The following FMN2 variants were observed in gnomAD, a reference collection of about 807,000 sequenced individuals.
FMN2 encodes the protein formin 2, also known as formin-2.
A neutral mutation model predicts 142.3 loss-of-function variants in FMN2; 51 were observed. The ratio of observed to expected loss-of-function variants is 0.36; its 90% confidence interval spans 0.29 to 0.45. FMN2 has a LOEUF of 0.45. Among genes scored for constraint, FMN2 ranks in the 20% least tolerant of loss-of-function variants. The pLI is 1.00. For missense variants in FMN2, 1,936 were observed against 2,122.8 expected (o/e 0.91, Z 1.73); for synonymous variants, 882 against 869.8 (o/e 1.01, Z -0.25).
At chr1:240,439,282 AG>A (rs1424335320) in intron 16 of FMN2, among the ~76,000 whole-genome samples, 32 of 92,592 alleles carry the variant, frequency 3.5e-4, no homozygotes, top group African/African-American at 1.1e-3. Flanking sequence ...AAAAAAAAAA[AG>A]AAAGAAAGAA....
chr1:240,457,014 T>G (rs555707679), intron 16 of FMN2, among the ~76,000 whole-genome samples: 1 of 152,344 alleles, frequency 6.6e-6, no homozygotes, highest in South Asian at 2.1e-4. Flanking sequence ...CTTGGACTTT[T>G]CTGATTCATT....
At position 240,325,500 on chromosome 1, in the gene FMN2, G is replaced by C. The variant is rs1484688537; in HGVS notation, c.4216-3576G>C. 2.0e-5 allele frequency among the ~76,000 whole-genome samples: 3 copies of C among 152,054 alleles called. No individual in the cohort carries two copies. The East Asian group carries it at 5.8e-4, about 29-fold the overall frequency. On this transcript the variant is annotated intron_variant, in intron 8 of 17. Transcript: ENST00000319653. Reference sequence around the variant, plus strand: ...ATATGCATACAAACACACACATACAGATTTGATCTTCATTATTTGCAGATT... The same window carrying C: ...ATATGCATACAAACACACACATACACATTTGATCTTCATTATTTGCAGATT...
At chr1:240,295,231 C>G (rs929355638) in intron 8 of FMN2, among the ~76,000 whole-genome samples, 2 of 151,050 alleles carry the variant, frequency 1.3e-5, no homozygotes, top group Non-Finnish European at 3.0e-5. Context: ...CACACTCACA[C>G]ACACTTAAAA....
At chr1:240,356,001 T>C in intron 14 of FMN2, 93 bp downstream of exon 14, 1 of 740,250 alleles carries the variant, frequency 1.4e-6, no homozygotes. Flanking sequence ...CAAGGCATTG[T>C]TTAAAAAATA....
At chr1:240,259,330 C>T (rs527367014) in intron 7 of FMN2, among the ~76,000 whole-genome samples, 2 of 152,166 alleles carry the variant, frequency 1.3e-5, no homozygotes, top group African/African-American at 4.8e-5. Context: ...GTGGTAAAGC[C>T]AGTGAGAGTT....
At chr1:240,325,906 T>C (rs1671156450) in intron 8 of FMN2, among the ~76,000 whole-genome samples, 2 of 152,244 alleles carry the variant, frequency 1.3e-5, no homozygotes, top group Non-Finnish European at 2.9e-5. Context: ...GCTATGGTGC[T>C]GCTGGCCTTG....
intron 14 of FMN2, among the ~76,000 whole-genome samples, chr1:240,362,447 A>T (rs1672518144): frequency 6.6e-6 from 1 of 152,306 alleles, no homozygotes; most frequent in East Asian, 1.9e-4. Context: ...GAAAGATGAG[A>T]TAAATGTGAT....
At chr1:240,178,319 C>A (rs1424148413) in intron 3 of FMN2, among the ~76,000 whole-genome samples, 3 of 152,076 alleles carry the variant, frequency 2.0e-5, no homozygotes, top group South Asian at 4.1e-4. Context: ...AGGATGATGA[C>A]CCCAAGCCTG....
chr1:240,324,645 A>G (rs1275918780), intron 8 of FMN2, among the ~76,000 whole-genome samples: 1 of 136,900 alleles, frequency 7.3e-6, no homozygotes, highest in African/African-American at 2.7e-5. Context: ...CGGGCAACAG[A>G]GTGACAGAGT....
intron 7 of FMN2, among the ~76,000 whole-genome samples, chr1:240,274,597 G>A (rs1669130412): frequency 6.6e-6 from 1 of 152,096 alleles, no homozygotes; most frequent in Admixed American, 6.6e-5. Context: ...GGAACGATTG[G>A]TCTGATTTGT....
chr1:240,205,223 T>C (rs1030725533), intron 4 of FMN2, among the ~76,000 whole-genome samples: 1 of 152,100 alleles, frequency 6.6e-6, no homozygotes, highest in Non-Finnish European at 1.5e-5. Context: ...GAAATAGTTC[T>C]CAACACAAGA....
chr1:240,311,948 C>T (rs12025056), intron 8 of FMN2, among the ~76,000 whole-genome samples: 52,119 of 152,084 alleles, frequency 0.34, 9,656 homozygotes, highest in Admixed American at 0.51. Flanking sequence ...GCCTCACCCT[C>T]TCAAATAGCT....
At chr1:240,103,508 C>T (rs1339912151) in intron 1 of FMN2, among the ~76,000 whole-genome samples, 1 of 152,198 alleles carries the variant, frequency 6.6e-6, no homozygotes, top group African/African-American at 2.4e-5. Flanking sequence ...TCTGGGTTTC[C>T]CAAACAAGGC....
chr1:240,360,956 C>T (rs111259922), intron 14 of FMN2, among the ~76,000 whole-genome samples: 2 of 151,308 alleles, frequency 1.3e-5, no homozygotes, highest in African/African-American at 4.9e-5. Flanking sequence ...GAACATCACA[C>T]ACCAGGGCCT....
chr1:240,182,092 C>T (rs1460354131), intron 3 of FMN2, among the ~76,000 whole-genome samples: 1 of 152,170 alleles, frequency 6.6e-6, no homozygotes, highest in Non-Finnish European at 1.5e-5. Flanking sequence ...ATCTACTTAG[C>T]ACATTAATGC....
intron 1 of FMN2, among the ~76,000 whole-genome samples, chr1:240,096,515 TCTC>T (rs1365932530): frequency 6.6e-6 from 1 of 152,206 alleles, no homozygotes; most frequent in Non-Finnish European, 1.5e-5. Flanking sequence ...GCTTCTTTAC[TCTC>T]CTCTGCTATT....
At chr1:240,440,495 T>A (rs1572317137) in intron 16 of FMN2, among the ~76,000 whole-genome samples, 1 of 114,350 alleles carries the variant, frequency 8.7e-6, no homozygotes, top group East Asian at 4.1e-4. Flanking sequence ...GCTAGATCCA[T>A]TTTTTTTGGT....
intron 2 of FMN2, among the ~76,000 whole-genome samples, chr1:240,174,365 G>A (rs1664829410): frequency 1.3e-5 from 2 of 151,914 alleles, no homozygotes; most frequent in Admixed American, 1.3e-4. Context: ...TTTTCTTTCT[G>A]TTTTTTTGAG....
Position 240,189,030 on chromosome 1 carries a change from C to G in FMN2, c.1986+768C>G, listed in dbSNP as rs190688703. Among the ~76,000 whole-genome samples the G allele has an allele frequency of 3.5e-4, 54 of 152,144 alleles. 1 individual carries two copies. Among genetic ancestry groups the G allele is most frequent in the African/African-American group, 1.0e-3 (43 of 41,432 alleles). On this transcript the variant is annotated intron_variant, in intron 4 of 17. Coordinates refer to ENST00000319653, the MANE Select transcript of FMN2 (RefSeq NM_020066.5). ...GTCATCTCCCACCAGGTCCCTCCCACAACATGTGGGAATTATGGGAGCTAC... is the reference window on the plus strand; with the variant it reads ...GTCATCTCCCACCAGGTCCCTCCCAGAACATGTGGGAATTATGGGAGCTAC...
Sources: allele counts gnomAD v4.1 joint callset (sites outside exome capture counted in the v4.1 genomes callset), GRCh38; gene constraint gnomAD v4.1.1; transcripts MANE v1.5; gene names NCBI Gene and HGNC (gene_info 2026-07-23, HGNC 2026-07-21).